PCCA: variants seen among roughly 807,000 people sequenced by gnomAD.
PCCA encodes propionyl-CoA carboxylase subunit alpha, also known as propionyl-CoA carboxylase alpha chain, mitochondrial.
Under a neutral mutation model 101.3 loss-of-function variants are expected in PCCA, and 74 were observed. The ratio of observed to expected loss-of-function variants is 0.73; its 90% CI spans 0.61 to 0.89. The LOEUF (loss-of-function observed/expected upper bound fraction) is 0.89, where lower values mean the gene tolerates loss of function less well. Ranked by LOEUF, PCCA falls within the 40% of genes least tolerant of loss-of-function variation. The probability of loss-of-function intolerance (pLI) is 0.00; values close to 1 mark genes in which losing one functional copy is unlikely to be tolerated. For synonymous variants in PCCA, 294 were observed against 313.6 expected (o/e 0.94, Z 0.66); for missense variants, 891 against 907.0 (o/e 0.98, Z 0.23).
intron 19 of PCCA, among the ~76,000 whole-genome samples, chr13:100,422,417 C>T (rs1009036827): frequency 3.3e-5 from 5 of 152,116 alleles, no homozygotes; most frequent in African/African-American, 1.2e-4. Context: ...GGCTTACAGG[C>T]GTGAGCCACC....
chr13:100,215,229 TAACTC>T (rs1276997707), intron 7 of PCCA, among the ~76,000 whole-genome samples: 2 of 152,248 alleles, frequency 1.3e-5, no homozygotes, highest in Non-Finnish European at 1.5e-5. Context: ...ACCCTACACT[TAACTC>T]ATCACATTTT....
intron 21 of PCCA, among the ~76,000 whole-genome samples, chr13:100,503,262 G>A (rs527884600): frequency 6.6e-6 from 1 of 152,300 alleles, no homozygotes; most frequent in African/African-American, 2.4e-5. Flanking sequence ...AGGCCGAGGT[G>A]GGTGGATCAC....
intron 4 of PCCA, among the ~76,000 whole-genome samples, chr13:100,152,531 C>T (rs1395548620): frequency 6.6e-6 from 1 of 152,072 alleles, no homozygotes; most frequent in East Asian, 1.9e-4. Flanking sequence ...ACTGCAAGCT[C>T]CGCCTCCCGG....
intron 20 of PCCA, among the ~76,000 whole-genome samples, chr13:100,428,438 G>C (rs1567120761): frequency 2.0e-5 from 3 of 150,724 alleles, no homozygotes; most frequent in Non-Finnish European, 1.5e-5. Flanking sequence ...AGCATTGCAG[G>C]ATGCTGAGGC....
intron 6 of PCCA, among the ~76,000 whole-genome samples, chr13:100,186,738 C>CAAAAAAAAAAAAAAA (rs376028376): frequency 5.9e-5 from 5 of 84,048 alleles, no homozygotes; most frequent in African/African-American, 1.4e-4. Flanking sequence ...GATTCCATCT[C>CAAAAAAAAAAAAAAA]AAAAAAAAAA....
intron 19 of PCCA, among the ~76,000 whole-genome samples, chr13:100,422,127 CTTTCTTTCT>C (rs1459020719): frequency 1.3e-5 from 1 of 74,756 alleles, no homozygotes; most frequent in African/African-American, 6.0e-5. Context: ...TCTTTTCTTT[CTTTCTTTCT>C]TTTTTTTTTT....
chr13:100,376,919 C>T (rs1160660372), intron 19 of PCCA, among the ~76,000 whole-genome samples: 1 of 152,220 alleles, frequency 6.6e-6, no homozygotes, highest in Non-Finnish European at 1.5e-5. Flanking sequence ...GCTTGAAACC[C>T]AGGGCCCTGG....
intron 19 of PCCA, among the ~76,000 whole-genome samples, chr13:100,396,788 A>G (rs1430804315): frequency 1.3e-5 from 2 of 152,122 alleles, no homozygotes; most frequent in African/African-American, 4.8e-5. Flanking sequence ...ACAGCAGACT[A>G]CCTGGGAAGT....
intron 13 of PCCA, 35 bp from the exon 14 acceptor site, chr13:100,302,889 T>G (rs1269977603): frequency 8.4e-7 from 1 of 1,194,582 alleles, no homozygotes; most frequent in Admixed American, 1.7e-5. Context: ...GATTTATATT[T>G]CAAAGACTGT....
chr13:100,453,955 C>T (rs2081528948), intron 21 of PCCA, among the ~76,000 whole-genome samples: 2 of 152,160 alleles, frequency 1.3e-5, no homozygotes, highest in African/African-American at 4.8e-5. Flanking sequence ...ACTGCAAGCT[C>T]CGCCTCCTGG....
At chr13:100,275,340 T>C (rs1372244373) in intron 12 of PCCA, among the ~76,000 whole-genome samples, 1 of 151,932 alleles carries the variant, frequency 6.6e-6, no homozygotes, top group African/African-American at 2.4e-5. Flanking sequence ...AGACCGTCCT[T>C]GTGTCCTTGA....
At chr13:100,453,016 A>C (rs2081444690) in intron 21 of PCCA, among the ~76,000 whole-genome samples, 1 of 151,706 alleles carries the variant, frequency 6.6e-6, no homozygotes. Flanking sequence ...CCAGCCAGGG[A>C]AACAAAGGGA....
chr13:100,441,999 T>TTA (rs1555294846), intron 20 of PCCA, among the ~76,000 whole-genome samples: 8 of 150,068 alleles, frequency 5.3e-5, no homozygotes, highest in South Asian at 2.1e-4. Flanking sequence ...CTTTTTTTTT[T>TTA]TTTTTTATTT....
chr13:100,163,362 T>A (rs765363794), intron 6 of PCCA, among the ~76,000 whole-genome samples: 1 of 152,186 alleles, frequency 6.6e-6, no homozygotes, highest in African/African-American at 2.4e-5. Context: ...AGCTGTGTGA[T>A]CTTGGACAGG....
chr13:100,158,277 A>C (rs1198543064), intron 6 of PCCA, among the ~76,000 whole-genome samples: 1 of 152,248 alleles, frequency 6.6e-6, no homozygotes, highest in African/African-American at 2.4e-5. Flanking sequence ...TGCCTCATTG[A>C]AATATTCTGT....
At chr13:100,094,987 A>G (rs868444988) in intron 1 of PCCA, among the ~76,000 whole-genome samples, 25 of 152,306 alleles carry the variant, frequency 1.6e-4, no homozygotes, top group South Asian at 4.1e-4. Flanking sequence ...TCATTCTCCC[A>G]CAGTACTAAA....
intron 12 of PCCA, among the ~76,000 whole-genome samples, chr13:100,292,586 C>A (rs1566878865): frequency 6.6e-6 from 1 of 152,140 alleles, no homozygotes; most frequent in Non-Finnish European, 1.5e-5. Flanking sequence ...TTTACTCTTA[C>A]TGTTGTCATT....
At chr13:100,168,502 TC>T (rs1255338879) in intron 6 of PCCA, among the ~76,000 whole-genome samples, 1 of 152,202 alleles carries the variant, frequency 6.6e-6, no homozygotes, top group East Asian at 1.9e-4. Flanking sequence ...TCTGGAGTGT[TC>T]CATGTATGCA....
chr13:100,374,717 C>G (rs1351905169), intron 19 of PCCA, among the ~76,000 whole-genome samples: 1 of 152,072 alleles, frequency 6.6e-6, no homozygotes, highest in East Asian at 1.9e-4. Context: ...ACTATACATG[C>G]ACTTTTTGAA....
Sources: allele counts gnomAD v4.1 joint callset (sites outside exome capture counted in the v4.1 genomes callset), GRCh38; gene constraint gnomAD v4.1.1; transcripts MANE v1.5; gene names NCBI Gene and HGNC (gene_info 2026-07-23, HGNC 2026-07-21).